NYAP2: variants seen among roughly 807,000 people sequenced by gnomAD.
NYAP2 encodes the protein neuronal tyrosine-phosphorylated phosphoinositide-3-kinase adaptor 2.
Under a neutral mutation model 50.4 loss-of-function variants are expected in NYAP2, and 23 were observed. That is an observed-to-expected ratio of 0.46 (90% CI 0.33 to 0.65). The LOEUF (loss-of-function observed/expected upper bound fraction) is 0.65. NYAP2 is among the 30% of genes least tolerant of loss of function. The probability of loss-of-function intolerance (pLI) is 0.02; values close to 1 mark genes in which losing one functional copy is unlikely to be tolerated. For synonymous variants in NYAP2, 394 were observed against 365.2 expected (o/e 1.08, Z -0.90); for missense variants, 885 against 861.0 (o/e 1.03, Z -0.35).
intron 5 of NYAP2, among the ~76,000 whole-genome samples, chr2:225,618,191 T>A (rs542400927): frequency 6.6e-6 from 1 of 152,360 alleles, no homozygotes; most frequent in Non-Finnish European, 1.5e-5. Context: ...ACAGCTACCG[T>A]ACCAAGGGCT....
chr2:225,450,217 T>C (rs1268234894), intron 3 of NYAP2, among the ~76,000 whole-genome samples: 1 of 151,674 alleles, frequency 6.6e-6, no homozygotes, highest in Admixed American at 6.6e-5. Flanking sequence ...TAGACTGGAG[T>C]GTGTGAGGGT....
intron 3 of NYAP2, among the ~76,000 whole-genome samples, chr2:225,448,224 C>G (rs1431519597): frequency 1.3e-5 from 2 of 152,310 alleles, no homozygotes; most frequent in African/African-American, 4.8e-5. Flanking sequence ...AGCCAATTAA[C>G]ACACCACCTC....
At chr2:225,527,597 C>T (rs1246993146) in intron 4 of NYAP2, among the ~76,000 whole-genome samples, 1 of 152,152 alleles carries the variant, frequency 6.6e-6, no homozygotes, top group Non-Finnish European at 1.5e-5. Flanking sequence ...CCTGGACCCT[C>T]TTTTAAAGAG....
At chr2:225,540,696 A>C (rs1367873205) in intron 4 of NYAP2, among the ~76,000 whole-genome samples, 1 of 152,230 alleles carries the variant, frequency 6.6e-6, no homozygotes, top group Admixed American at 6.5e-5. Context: ...ATTGATGGAC[A>C]CTTAGGTTAC....
downstream of NYAP2, among the ~76,000 whole-genome samples, chr2:225,656,631 A>G (rs1365764191): frequency 6.6e-6 from 1 of 152,104 alleles, no homozygotes; most frequent in Non-Finnish European, 1.5e-5. Context: ...GCATATCTAG[A>G]GTGTATTTCT....
At chr2:225,470,218 C>A (rs1393091433) in intron 3 of NYAP2, among the ~76,000 whole-genome samples, 1 of 151,858 alleles carries the variant, frequency 6.6e-6, no homozygotes, top group South Asian at 2.1e-4. Flanking sequence ...TTTTTTTGTG[C>A]CTAAAGTAAA....
intron 3 of NYAP2, among the ~76,000 whole-genome samples, chr2:225,417,598 A>G (rs1181335943): frequency 6.6e-6 from 1 of 152,170 alleles, no homozygotes; most frequent in South Asian, 2.1e-4. Context: ...ATAAAAAAGA[A>G]GTATTTAAAA....
At chr2:225,659,826 C>A in the NYAP2 span, among the ~76,000 whole-genome samples, 1 of 152,138 alleles carries the variant, frequency 6.6e-6, no homozygotes, top group Non-Finnish European at 1.5e-5. Context: ...AATATTAATT[C>A]TTTCTCCTTT....
intron 6 of NYAP2, among the ~76,000 whole-genome samples, chr2:225,629,863 C>T (rs1040959059): frequency 1.3e-5 from 2 of 152,176 alleles, no homozygotes; most frequent in Non-Finnish European, 2.9e-5. Flanking sequence ...GGCCCCACCT[C>T]CCAACACTGC....
At chr2:225,554,321 CTTT>C (rs751259949) in intron 4 of NYAP2, among the ~76,000 whole-genome samples, 8 of 131,612 alleles carry the variant, frequency 6.1e-5, no homozygotes, top group Admixed American at 7.7e-5. Flanking sequence ...AAACATTTAT[CTTT>C]TTTTTTTTTT....
intron 3 of NYAP2, among the ~76,000 whole-genome samples, chr2:225,437,901 A>T (rs996413427): frequency 2.0e-5 from 3 of 152,214 alleles, no homozygotes; most frequent in Non-Finnish European, 4.4e-5. Flanking sequence ...GAATGGGGAC[A>T]TCAATTCAAA....
chr2:225,677,249 G>T, the NYAP2 span, among the ~76,000 whole-genome samples: 1 of 152,056 alleles, frequency 6.6e-6, no homozygotes, highest in Non-Finnish European at 1.5e-5. Context: ...ACTCGTTTTT[G>T]CACATTGATT....
intron 5 of NYAP2, among the ~76,000 whole-genome samples, chr2:225,617,115 C>T (rs1166712393): frequency 2.0e-5 from 3 of 152,144 alleles, no homozygotes; most frequent in East Asian, 1.9e-4. Context: ...TGTAACCAAG[C>T]GATCTCTATG....
intron 4 of NYAP2, among the ~76,000 whole-genome samples, chr2:225,516,206 G>A (rs543150034): frequency 6.6e-6 from 1 of 152,234 alleles, no homozygotes; most frequent in South Asian, 2.1e-4. Flanking sequence ...CTGGGGCAGA[G>A]AGTATCATAA....
At chr2:225,656,810 C>T (rs1393503157), downstream of NYAP2, among the ~76,000 whole-genome samples, 2 of 152,078 alleles carry the variant, frequency 1.3e-5, no homozygotes, top group Non-Finnish European at 2.9e-5. Flanking sequence ...ATGCCCAGCG[C>T]AAAGTGAGGC....
intron 3 of NYAP2, among the ~76,000 whole-genome samples, chr2:225,512,802 C>G (rs1354619151): frequency 9.1e-6 from 1 of 109,532 alleles, no homozygotes; most frequent in Non-Finnish European, 1.8e-5. Flanking sequence ...CTCCCTCCCT[C>G]TCTTTCTTTT....
the NYAP2 span, chr2:225,703,054 C>A: frequency 6.6e-6 from 1 of 151,594 alleles, no homozygotes; most frequent in Non-Finnish European, 1.5e-5. Flanking sequence ...GTGTAAAGTG[C>A]ACTGTGATTA....
chr2:225,623,435 ACTGGCCTGTAATCAATAAGGTGAAGG>A (rs1417691320), intron 5 of NYAP2, among the ~76,000 whole-genome samples: 46 of 152,342 alleles, frequency 3.0e-4, no homozygotes, highest in Admixed American at 2.5e-3. Context: ...CAGACTGCAA[ACTGGCCTGTAATCAATAAGGTGAAGG>A]CTGGCCTGTA....
chr2:225,654,326 T>G (rs1693790047), downstream of NYAP2, among the ~76,000 whole-genome samples: 1 of 152,154 alleles, frequency 6.6e-6, no homozygotes, highest in Non-Finnish European at 1.5e-5. Flanking sequence ...AACCCAGAAT[T>G]CTTAATAGGA....
Sources: allele counts gnomAD v4.1 joint callset (sites outside exome capture counted in the v4.1 genomes callset), GRCh38; gene constraint gnomAD v4.1.1; transcripts MANE v1.5; gene names NCBI Gene and HGNC (gene_info 2026-07-23, HGNC 2026-07-21).